The following KDSR variants were observed in gnomAD, a reference collection of about 807,000 sequenced individuals.
The protein encoded by KDSR is 3-ketodihydrosphingosine reductase.
KDSR carries 23 observed loss-of-function variants against 41.3 expected under a neutral mutation model. The observed-to-expected ratio is 0.56, with a 90% confidence interval of 0.40 to 0.79. KDSR has a LOEUF of 0.79. KDSR is among the 30% of genes least tolerant of loss of function. The probability of loss-of-function intolerance (pLI) is 0.00; values close to 1 mark genes in which losing one functional copy is unlikely to be tolerated. For synonymous variants in KDSR, 138 were observed against 151.7 expected (o/e 0.91, Z 0.66); for missense variants, 351 against 416.8 (o/e 0.84, Z 1.37).
At chr18:63,332,078 C>T (rs2615201) in intron 9 of KDSR, among the ~76,000 whole-genome samples, 177 bp from the exon 10 acceptor site, 2,625 of 152,272 alleles carry the variant, frequency 0.017, 38 homozygotes, top group Middle Eastern at 0.024. Flanking sequence ...TGCTCTGCAC[C>T]GCTGGACAGC....
At chr18:63,357,588 A>ATTT (rs1162409539) in intron 3 of KDSR, among the ~76,000 whole-genome samples, 1,094 of 62,896 alleles carry the variant, frequency 0.017, 23 homozygotes, top group African/African-American at 0.047. Context: ...ATATATATAT[A>ATTT]TATATATTTT....
In KDSR at chr18:63,331,218, C is replaced by G. The variant is rs1913974235; in HGVS notation, c.*564G>C. 8.6e-6 allele frequency: 2 copies of G among 233,000 alleles called. No homozygotes were observed. The highest frequency in any genetic ancestry group is 1.2e-4 in the East Asian group (2 of 16,556). The allele number at this position is 233,000 out of a possible 1,614,324, so 14.4% of individuals were successfully genotyped here. A position where few individuals can be genotyped will look rare whatever the true frequency, so the allele number is the denominator to read the frequency against. ...CAGGGCTGTCAGTGACATTCAGACT[C>G]ACTGGCAATGGGTCCAACTCATCTT... is the stretch of plus-strand genomic sequence containing the variant. On this transcript the variant is annotated 3_prime_UTR_variant, in exon 10 of 10. Coordinates refer to ENST00000645214, the MANE Select transcript of KDSR (RefSeq NM_002035.4).
chr18:63,343,276 T>C (rs1006236383), intron 7 of KDSR, among the ~76,000 whole-genome samples: 5 of 151,952 alleles, frequency 3.3e-5, no homozygotes, highest in African/African-American at 1.2e-4. Context: ...CCTAGGCTGG[T>C]CTCGAACTCC....
intron 5 of KDSR, among the ~76,000 whole-genome samples, chr18:63,352,288 A>C (rs1914679588): frequency 6.6e-6 from 1 of 152,068 alleles, no homozygotes; most frequent in Non-Finnish European, 1.5e-5. Context: ...TCTTAATTCA[A>C]GAGAATATTA....
At chr18:63,347,333 T>C (rs1914535762) in intron 6 of KDSR, among the ~76,000 whole-genome samples, 1 of 151,356 alleles carries the variant, frequency 6.6e-6, no homozygotes, top group South Asian at 2.1e-4. Context: ...CCATCTCTAC[T>C]AAAAATACAA....
chr18:63,347,978 A>G (rs1385680876), intron 6 of KDSR, among the ~76,000 whole-genome samples: 3 of 152,152 alleles, frequency 2.0e-5, no homozygotes, highest in Admixed American at 2.0e-4. Flanking sequence ...TAATTAAACC[A>G]AAGAATTGTC....
intron 5 of KDSR, among the ~76,000 whole-genome samples, chr18:63,352,581 G>T (rs1914687328): frequency 6.6e-6 from 1 of 152,164 alleles, no homozygotes; most frequent in Admixed American, 6.5e-5. Context: ...CTCCCAAAGT[G>T]TTGGGATTAC....
At chr18:63,335,006 C>T (rs1265348568) in intron 9 of KDSR, among the ~76,000 whole-genome samples, 2 of 152,196 alleles carry the variant, frequency 1.3e-5, no homozygotes, top group Non-Finnish European at 2.9e-5. Flanking sequence ...ACAGCAGATA[C>T]GGTGTTTTAT....
intron 7 of KDSR, among the ~76,000 whole-genome samples, chr18:63,339,765 A>G (rs987647756): frequency 6.6e-6 from 1 of 152,180 alleles, no homozygotes; most frequent in South Asian, 2.1e-4. Flanking sequence ...TGTCTTGCAT[A>G]TGTGTGCTCA....
chr18:63,361,209 CAA>C (rs71162630), intron 2 of KDSR, among the ~76,000 whole-genome samples: 1 of 15,512 alleles, frequency 6.4e-5, no homozygotes, highest in African/African-American at 1.7e-4. Flanking sequence ...AACTCCGTCT[CAA>C]AAAAAAAAAA....
chr18:63,355,347 C>T lies in KDSR; in HGVS notation c.322-48G>A, dbSNP rs748422788. 5.1e-5 allele frequency: 81 copies of T among 1,603,742 alleles called. 1 individual carries two copies. The Admixed American group carries it at 1.4e-3, about 27-fold the overall frequency. ...GCATTAAGAAACAGAGAAGAAAAAC[C>T]ACTCAGCAGCAAATCCATGCTGATA... On this transcript the variant is annotated intron_variant, in intron 4 of 9. Transcript: ENST00000645214.
intron 8 of KDSR, among the ~76,000 whole-genome samples, 182 bp downstream of exon 8, chr18:63,338,618 C>G (rs1914253067): frequency 1.3e-5 from 2 of 152,286 alleles, no homozygotes; most frequent in South Asian, 4.1e-4. Context: ...AGGCTACTCA[C>G]TAATATGGAG....
intron 7 of KDSR, among the ~76,000 whole-genome samples, chr18:63,343,339 T>C (rs1914400263): frequency 6.7e-6 from 1 of 148,400 alleles, no homozygotes; most frequent in South Asian, 2.1e-4. Flanking sequence ...GGATTACAGG[T>C]GTGAGACACC....
intron 6 of KDSR, among the ~76,000 whole-genome samples, chr18:63,348,070 T>C (rs1316910394): frequency 2.6e-5 from 4 of 152,030 alleles, no homozygotes; most frequent in East Asian, 1.9e-4. Flanking sequence ...GTGGATCACC[T>C]GAGTCCAGGA....
At chr18:63,359,448 C>T in intron 3 of KDSR, 35 of 274,830 alleles carry the variant, frequency 1.3e-4, no homozygotes, top group Admixed American at 2.9e-4. Flanking sequence ...TATTCCTTTC[C>T]TCTTAAGCAT....
chr18:63,346,872 A>G (rs1914518578), intron 6 of KDSR, among the ~76,000 whole-genome samples: 1 of 152,204 alleles, frequency 6.6e-6, no homozygotes, highest in Non-Finnish European at 1.5e-5. Flanking sequence ...ACTCTTGGTC[A>G]AATAATTTGC....
chr18:63,357,363 AAAAAC>A (rs1914824899), intron 3 of KDSR, among the ~76,000 whole-genome samples: 1 of 152,004 alleles, frequency 6.6e-6, no homozygotes, highest in South Asian at 2.1e-4. Flanking sequence ...TCTAATAGTA[AAAAAC>A]AAAACAAACT....
intron 3 of KDSR, 138 bp from the exon 4 acceptor site, chr18:63,355,701 G>A (rs1914775806): frequency 8.1e-7 from 1 of 1,239,468 alleles, no homozygotes; most frequent in East Asian, 2.9e-5. Context: ...GTTTGCTGAT[G>A]ATGCAATTAG....
chr18:63,358,268 A>G (rs977977711), intron 3 of KDSR, among the ~76,000 whole-genome samples: 2 of 152,180 alleles, frequency 1.3e-5, no homozygotes, highest in African/African-American at 4.8e-5. Flanking sequence ...CTATAGAGAA[A>G]GAAAGTAGAT....
Sources: gnomAD v4.1 joint callset for allele counts (sites outside exome capture counted in the v4.1 genomes callset) on GRCh38, gnomAD v4.1.1 for gene constraint, MANE v1.5 for transcripts, NCBI Gene and HGNC (gene_info 2026-07-23, HGNC 2026-07-21) for gene names.